Variants in TNR observed in about 807,000 individuals in gnomAD.
TNR encodes tenascin-R.
TNR carries 45 observed loss-of-function variants against 150.4 expected under a neutral mutation model. That is an observed-to-expected ratio of 0.30 (90% CI 0.24 to 0.38). The LOEUF is 0.38. Among genes scored for constraint, TNR ranks in the 10% least tolerant of loss-of-function variants. The pLI is 1.00. For missense variants in TNR, 1,544 were observed against 1,759.1 expected, an observed-to-expected ratio of 0.88 and a Z score of 2.19; for synonymous variants, 687 against 678.4, an observed-to-expected ratio of 1.01 and a Z score of -0.20.
chr1:175,668,294 G>A (rs558989088), intron 1 of TNR, among the ~76,000 whole-genome samples: 8 of 152,296 alleles, frequency 5.3e-5, no homozygotes, highest in Non-Finnish European at 7.4e-5. Context: ...AGCCCCACAC[G>A]TTTTGGTAGA....
chr1:175,372,119 T>C (rs1319388060), intron 9 of TNR, among the ~76,000 whole-genome samples: 1 of 151,846 alleles, frequency 6.6e-6, no homozygotes, highest in Admixed American at 6.6e-5. Flanking sequence ...CCCTCTCTCA[T>C]TGTGTGATGC....
At chr1:175,329,148 G>A (rs1439292811) in intron 21 of TNR, among the ~76,000 whole-genome samples, 1 of 152,186 alleles carries the variant, frequency 6.6e-6, no homozygotes, top group African/African-American at 2.4e-5. Context: ...GCAGTAACTG[G>A]AAGGACAACA....
rs186267627 is a variant in TNR at position 175,626,788 on chromosome 1, G to A, written c.-164-98419C>T. 3.9e-5 allele frequency among the ~76,000 whole-genome samples: 6 copies of A among 152,296 alleles called. No homozygotes were observed. The East Asian group carries it at 1.2e-3, about 29-fold the overall frequency. ...TGAATGTGACCTTGTTTAGAAAAGGGTCTTTGCAGATGTAATTAAGTTAAG... is the reference window on the plus strand; with the variant it reads ...TGAATGTGACCTTGTTTAGAAAAGGATCTTTGCAGATGTAATTAAGTTAAG... On this transcript the variant is annotated intron_variant, in intron 1 of 22. Transcript: ENST00000367674.
intron 2 of TNR, among the ~76,000 whole-genome samples, chr1:175,460,431 C>T (rs1282418190): frequency 1.3e-5 from 2 of 151,904 alleles, no homozygotes; most frequent in African/African-American, 2.4e-5. Context: ...TATTGGAAAA[C>T]CTGATTCTCT....
intron 1 of TNR, among the ~76,000 whole-genome samples, chr1:175,614,332 G>A (rs373018136): frequency 1.3e-5 from 2 of 152,114 alleles, no homozygotes; most frequent in South Asian, 2.1e-4. Flanking sequence ...AGTGAGCCAG[G>A]CACCCTAGGT....
At chr1:175,410,875 T>G (rs1279649437) in intron 2 of TNR, among the ~76,000 whole-genome samples, 1 of 152,196 alleles carries the variant, frequency 6.6e-6, no homozygotes, top group African/African-American at 2.4e-5. Flanking sequence ...TTTTGGTGTT[T>G]GAAGCCCAGA....
At chr1:175,603,863 T>C (rs1464252009) in intron 1 of TNR, among the ~76,000 whole-genome samples, 1 of 152,258 alleles carries the variant, frequency 6.6e-6, no homozygotes, top group African/African-American at 2.4e-5. Context: ...CCTGTCCATG[T>C]GGCTAGACTG....
rs558441999 is a variant in TNR at position 175,445,760 on chromosome 1, G to T, written c.-63-38983C>A. 6.2e-4 allele frequency among the ~76,000 whole-genome samples: 95 copies of T among 152,302 alleles called. 1 individual carries two copies. The highest frequency in any genetic ancestry group is 2.3e-3 in the African/African-American group (95 of 41,564). ...CATGCAATCCATAGTTCCCAGAACT[G>T]ATAGAAAACTCCCCGAGGTTAATAA... On this transcript the variant is annotated intron_variant, in intron 2 of 22. Transcript: ENST00000367674.
intron 1 of TNR, among the ~76,000 whole-genome samples, chr1:175,655,973 G>A (rs1665159445): frequency 6.6e-6 from 1 of 152,190 alleles, no homozygotes; most frequent in Non-Finnish European, 1.5e-5. Flanking sequence ...CTCAAGTGTA[G>A]GGATAGGGGG....
chr1:175,580,750 G>A (rs1342484166), intron 1 of TNR, among the ~76,000 whole-genome samples: 1 of 152,200 alleles, frequency 6.6e-6, no homozygotes, highest in Non-Finnish European at 1.5e-5. Context: ...GTGTTTTTGT[G>A]TTTGTGTGGG....
At chr1:175,344,634 C>T (rs996499439) in intron 18 of TNR, among the ~76,000 whole-genome samples, 2 of 152,180 alleles carry the variant, frequency 1.3e-5, no homozygotes, top group African/African-American at 2.4e-5. Context: ...AAAATCACCA[C>T]ATCCCCAAAG....
At chr1:175,487,392 G>T (rs1233400215) in intron 2 of TNR, among the ~76,000 whole-genome samples, 1 of 152,176 alleles carries the variant, frequency 6.6e-6, no homozygotes, top group African/African-American at 2.4e-5. Context: ...CCATGGCTCA[G>T]GGGTTGGGGA....
intron 1 of TNR, among the ~76,000 whole-genome samples, chr1:175,651,354 T>C (rs1664990393): frequency 6.6e-6 from 1 of 151,740 alleles, no homozygotes; most frequent in Non-Finnish European, 1.5e-5. Flanking sequence ...AAAGGTTACC[T>C]TGAGGGGAGG....
At chr1:175,423,122 T>C (rs540612572) in intron 2 of TNR, among the ~76,000 whole-genome samples, 8 of 152,362 alleles carry the variant, frequency 5.3e-5, no homozygotes, top group African/African-American at 1.9e-4. Flanking sequence ...ATAGTGAGAA[T>C]GAAATATATG....
chr1:175,736,292 C>A (rs528580772), intron 1 of TNR, among the ~76,000 whole-genome samples: 3 of 152,052 alleles, frequency 2.0e-5, no homozygotes, highest in Admixed American at 1.3e-4. Context: ...GAGGCCAAGG[C>A]GGGTGGATCA....
rs144835972 is a variant in TNR at position 175,710,245 on chromosome 1, A to C, written c.-165+32981T>G. ...TGGCAAAGGAGAGAGAAAGTCATGG[A>C]GGACATGGGGAGTGCGTAGACATGG... On this transcript the variant is annotated intron_variant, in intron 1 of 22. Transcript: ENST00000367674. 1.2e-3 allele frequency among the ~76,000 whole-genome samples: 187 copies of C among 152,144 alleles called. 1 individual carries two copies. Among genetic ancestry groups the C allele is most frequent in the African/African-American group, 4.4e-3 (181 of 41,500 alleles).
chr1:175,738,342 AAAGG>A (rs1170520757), intron 1 of TNR, among the ~76,000 whole-genome samples: 2 of 152,236 alleles, frequency 1.3e-5, no homozygotes, highest in African/African-American at 2.4e-5. Flanking sequence ...TCAGCCATAA[AAAGG>A]AAGGAAGTTC....
intron 1 of TNR, among the ~76,000 whole-genome samples, chr1:175,543,169 C>T (rs1660567330): frequency 6.6e-6 from 1 of 152,222 alleles, no homozygotes; most frequent in African/African-American, 2.4e-5. Flanking sequence ...TGAGAAAAAA[C>T]AAAATGGGGC....
At position 175,406,526 on chromosome 1, in the gene TNR, C is replaced by T. The variant is rs1571397154; in HGVS notation, c.189G>A (p.Val63=). Residue 63 remains valine, a synonymous_variant, in exon 3 of 23, where the codon GTG becomes GTA. Coordinates refer to ENST00000367674, the MANE Select transcript of TNR (RefSeq NM_003285.3). ...NYNTSSKEQP[V]VFNHVYNINV... ...TAATGTTGTACACGTGGTTGAAGAC[C>T]ACAGGCTGCTCTTTGCTGGATGTGT... The T allele has an allele frequency of 6.2e-7, 1 of 1,614,066 alleles. No homozygotes were observed. Among genetic ancestry groups the T allele is most frequent in the Admixed American group, 1.7e-5 (1 of 59,998 alleles).
Sources: gnomAD v4.1 joint callset for allele counts (sites outside exome capture counted in the v4.1 genomes callset) on GRCh38, gnomAD v4.1.1 for gene constraint, MANE v1.5 for transcripts, NCBI Gene and HGNC (gene_info 2026-07-23, HGNC 2026-07-21) for gene names.